PCM1: variants seen among roughly 807,000 people sequenced by gnomAD.
The protein encoded by PCM1 is pericentriolar material 1, also known as pericentriolar material 1 protein.
In PCM1, 157 loss-of-function variants were observed where a neutral mutation model predicts 241.9. The ratio of observed to expected loss-of-function variants is 0.65; its 90% CI spans 0.57 to 0.74. The LOEUF is 0.74. PCM1 is among the 30% of genes least tolerant of loss of function. The pLI is 0.00. For missense variants in PCM1, 3,478 were observed against 2,360.1 expected (o/e 1.47, Z -9.81); for synonymous variants, 1,085 against 784.9 (o/e 1.38, Z -6.39).
At chr8:17,975,753 A>G (rs1214415987) in intron 23 of PCM1, among the ~76,000 whole-genome samples, 5 of 152,194 alleles carry the variant, frequency 3.3e-5, no homozygotes, top group Admixed American at 2.6e-4. Flanking sequence ...TAAATCTCAT[A>G]TAACTTTGTT....
chr8:17,963,263 T>C lies in PCM1; in HGVS notation c.2626T>C (p.Cys876Arg), dbSNP rs771319260. The part of the protein sequence containing the change: ...SLRSDGSENL[C>R]TPQQSRTEKT... ...GAGAAGTGATGGATCTGAGAACCTA[T>C]GTACTCCTCAGCAAAGTAGAACAGA... The change falls in exon 17 of 39, where the codon TGT (cysteine) becomes CGT (arginine). Residue 876 changes from cysteine to arginine, a missense_variant. Coordinates refer to ENST00000325083, the MANE Select transcript of PCM1 (RefSeq NM_006197.4). 6.6e-5 allele frequency: 106 copies of C among 1,603,750 alleles called. 1 individual carries two copies. The highest frequency in any genetic ancestry group is 4.9e-5 in the Non-Finnish European group (58 of 1,177,420).
At chr8:18,003,132 C>G (rs1417096161) in intron 29 of PCM1, among the ~76,000 whole-genome samples, 1 of 152,176 alleles carries the variant, frequency 6.6e-6, no homozygotes, top group Non-Finnish European at 1.5e-5. Flanking sequence ...TAATATTTGT[C>G]TGCCTCTCCA....
chr8:18,006,330 C>A lies in PCM1; in HGVS notation c.4895C>A (p.Thr1632Asn), dbSNP rs775083598. 8 of 1,612,792 alleles carry A rather than the reference C, an allele frequency of 5.0e-6. 1 individual carries two copies. The South Asian group carries it at 7.7e-5, about 15-fold the overall frequency. ...GTAAGGCGCATGGTTTTGACCCTTA[C>A]CCAGCAAAATGATGAGAGCAAAGAG... ...TSVRRMVLTL[T>N]QQNDESKEFV... Residue 1632 changes from threonine to asparagine, a missense_variant, in exon 30 of 39, where the codon ACC becomes AAC. By Grantham distance (65) the Thr-to-Asn change is moderately conservative. Coordinates refer to ENST00000325083, the MANE Select transcript of PCM1 (RefSeq NM_006197.4).
chr8:17,997,060 T>C (rs910347166), intron 29 of PCM1, among the ~76,000 whole-genome samples: 3 of 152,066 alleles, frequency 2.0e-5, no homozygotes, highest in African/African-American at 7.2e-5. Flanking sequence ...ATAAAGTATT[T>C]AGTATTTCTT....
Position 17,989,937 on chromosome 8 carries a change from T to C in PCM1, c.4489T>C (p.Ser1497Pro), listed in dbSNP as rs1392702931. The change falls in exon 27 of 39, where the codon TCT (serine) becomes CCT (proline). Residue 1497 changes from serine to proline, a missense_variant. Transcript: ENST00000325083. ...TGATGCTGATAATGCTAGTGTCCTG[T>C]CTGTATCATCAAATTTTGAGCCTTT... ...QNDADNASVL[S>P]VSSNFEPFAT... is the part of the protein sequence containing the mutation. 1 of 1,541,536 alleles carries C rather than the reference T, an allele frequency of 6.5e-7. No individual in the cohort carries two copies. Among genetic ancestry groups the C allele is most frequent in the Admixed American group, 2.0e-5 (1 of 50,218 alleles).
chr8:17,927,784 C>G (rs1474899538), intron 2 of PCM1: 1 of 144,354 alleles, frequency 6.9e-6, no homozygotes, highest in South Asian at 2.2e-4. Context: ...CTCCTGACCT[C>G]GTGATCCGCC....
chr8:17,944,692 A>G (rs945064586), intron 6 of PCM1, among the ~76,000 whole-genome samples: 1 of 151,996 alleles, frequency 6.6e-6, no homozygotes, highest in African/African-American at 2.4e-5. Flanking sequence ...TATTACTCCT[A>G]CCTAGATATT....
chr8:17,983,271 G>T, intron 24 of PCM1: 1 of 1,325,056 alleles, frequency 7.5e-7, no homozygotes, highest in Non-Finnish European at 9.9e-7. Flanking sequence ...TAACAGAAAT[G>T]CATGCAATGA....
chr8:17,967,837 G>A (rs1005037696), intron 21 of PCM1, among the ~76,000 whole-genome samples: 1 of 152,114 alleles, frequency 6.6e-6, no homozygotes. Flanking sequence ...CTAAAGGAGA[G>A]CACATTTAGC....
chr8:17,953,227 C>G (rs1483641555), intron 9 of PCM1, 41 bp downstream of exon 9: 1 of 1,021,062 alleles, frequency 9.8e-7, no homozygotes, highest in Non-Finnish European at 1.5e-6. Context: ...ATAAGACACA[C>G]AAGTATATAT....
At chr8:17,950,821 A>G (rs2065751660) in intron 8 of PCM1, 97 bp downstream of exon 8, 1 of 741,422 alleles carries the variant, frequency 1.3e-6, no homozygotes. Context: ...ACCTGGCATG[A>G]TTGTTGAGCA....
At chr8:17,937,771 T>C (rs1310877037) in intron 4 of PCM1, among the ~76,000 whole-genome samples, 1 of 152,176 alleles carries the variant, frequency 6.6e-6, no homozygotes, top group African/African-American at 2.4e-5. Context: ...GAAACTATTT[T>C]CTGTTTATAA....
chr8:17,954,698 G>A (rs1463554197), intron 9 of PCM1, among the ~76,000 whole-genome samples: 1 of 152,224 alleles, frequency 6.6e-6, no homozygotes, highest in Middle Eastern at 3.4e-3. Context: ...AAAGATACTG[G>A]TAAATGACAG....
Position 18,028,126 on chromosome 8 carries a change from G to A in PCM1, c.*464G>A. The A allele has an allele frequency of 5.0e-6, 1 of 200,432 alleles. No homozygotes were observed. The highest frequency in any genetic ancestry group is 7.7e-5 in the East Asian group (1 of 12,914). 12.4% of individuals were successfully genotyped at this position (200,432 alleles called of 1,614,324 possible). A position where few individuals can be genotyped will look rare whatever the true frequency, so the allele number is the denominator to read the frequency against. ...CCATTAGGCCAGTCTTCCAACTAATGCCAGTGTTGCTGCTGTTGGGTCTGA... is the reference window on the plus strand; with the variant it reads ...CCATTAGGCCAGTCTTCCAACTAATACCAGTGTTGCTGCTGTTGGGTCTGA... On this transcript the variant is annotated 3_prime_UTR_variant, in exon 39 of 39. Coordinates refer to ENST00000325083, the MANE Select transcript of PCM1 (RefSeq NM_006197.4).
Position 17,966,273 on chromosome 8 carries a change from A to G in PCM1, c.3075+55A>G, listed in dbSNP as rs557005369. On this transcript the variant is annotated intron_variant, in intron 19 of 38. Transcript: ENST00000325083. Reference sequence around the variant, plus strand: ...GTCTATTTTTATAACTTCTGAAGCAATACAAATTTTTCTCAAGTCATCAGT... The same window carrying G: ...GTCTATTTTTATAACTTCTGAAGCAGTACAAATTTTTCTCAAGTCATCAGT... 1.2e-5 allele frequency: 20 copies of G among 1,607,184 alleles called. No individual in the cohort carries two copies. In the African/African-American group the frequency reaches 1.6e-4, roughly 13 times the overall value.
intron 7 of PCM1, among the ~76,000 whole-genome samples, chr8:17,949,917 A>G (rs1191516752): frequency 6.6e-6 from 1 of 151,950 alleles, no homozygotes. Flanking sequence ...ATATGGGGGC[A>G]TTTTTTTTAA....
rs2055111889 is a variant in PCM1, at chr8:17,923,012, G to GGCTGCGGCGGTTGGC, written c.-260_-246dup. 6.5e-6 allele frequency: 1 copy of GGCTGCGGCGGTTGGC among 152,750 alleles called. No homozygotes were observed. Among genetic ancestry groups the GGCTGCGGCGGTTGGC allele is most frequent in the African/African-American group, 2.4e-5 (1 of 41,474 alleles). The allele number at this position is 152,750 out of a possible 1,614,324, so 9.5% of individuals were successfully genotyped here. A position where few individuals can be genotyped will look rare whatever the true frequency, so the allele number is the denominator to read the frequency against. ...CACAATGAGATCCTAAGATGGCGGT[G>GGCTGCGGCGGTTGGC]GCTGCGGCGGTTGGCGCTGCGTAGC... On this transcript the variant is annotated 5_prime_UTR_variant, in exon 1 of 39. Transcript: ENST00000325083.
chr8:17,954,865 G>C (rs1056753559), intron 9 of PCM1, among the ~76,000 whole-genome samples: 1 of 152,074 alleles, frequency 6.6e-6, no homozygotes, highest in African/African-American at 2.4e-5. Context: ...CTAAATAGCA[G>C]GTTTTTATTG....
At chr8:17,993,854 T>C (rs192845293) in intron 29 of PCM1, among the ~76,000 whole-genome samples, 2 of 152,324 alleles carry the variant, frequency 1.3e-5, no homozygotes, top group Admixed American at 1.3e-4. Flanking sequence ...TAGATCATTA[T>C]TTTTCTGCTG....
Sources: allele counts gnomAD v4.1 joint callset (sites outside exome capture counted in the v4.1 genomes callset), GRCh38; gene constraint gnomAD v4.1.1; transcripts MANE v1.5; gene names NCBI Gene and HGNC (gene_info 2026-07-23, HGNC 2026-07-21).